The following H2AZ2 variants were observed in gnomAD, a reference collection of about 807,000 sequenced individuals.
The protein encoded by H2AZ2 is H2A.Z variant histone 2.
Under a neutral mutation model 15.5 loss-of-function variants are expected in H2AZ2, and 5 were observed. The observed-to-expected ratio is 0.32, with a 90% CI of 0.17 to 0.68. The LOEUF (loss-of-function observed/expected upper bound fraction) is 0.68. Among genes scored for constraint, H2AZ2 ranks in the 30% least tolerant of loss-of-function variants. The pLI is 0.72. For missense variants in H2AZ2, 42 were observed against 162.5 expected, an observed-to-expected ratio of 0.26 and a Z score of 4.03; for synonymous variants, 44 against 57.4, an observed-to-expected ratio of 0.77 and a Z score of 1.05.
intron 1 of H2AZ2, among the ~76,000 whole-genome samples, chr7:44,844,569 G>A (rs1793353359): frequency 6.6e-6 from 1 of 152,138 alleles, no homozygotes; most frequent in Admixed American, 6.6e-5. Context: ...GGCCAGGCTG[G>A]TCTTGAACTC....
chr7:44,836,268 C>T (rs1208839140), intron 3 of H2AZ2, among the ~76,000 whole-genome samples: 1 of 152,134 alleles, frequency 6.6e-6, no homozygotes, highest in Non-Finnish European at 1.5e-5. Context: ...CAGTCAAAGT[C>T]ATATATTTTA....
chr7:44,846,455 A>C (rs369912830), intron 1 of H2AZ2, among the ~76,000 whole-genome samples: 5 of 152,036 alleles, frequency 3.3e-5, no homozygotes, highest in African/African-American at 1.2e-4. Flanking sequence ...ATCTCTACTA[A>C]AAATACAAAA....
At chr7:44,830,855 CA>C (rs768034578), downstream of H2AZ2, among the ~76,000 whole-genome samples, 1 of 152,062 alleles carries the variant, frequency 6.6e-6, no homozygotes, top group African/African-American at 2.4e-5. Flanking sequence ...AACAAACAAA[CA>C]AAAAACACAC....
At chr7:44,827,559 T>G (rs1226343583), downstream of H2AZ2, 1 of 152,234 alleles carries the variant, frequency 6.6e-6, no homozygotes, top group Non-Finnish European at 1.5e-5. Context: ...AGATGTTAGC[T>G]GTACAGTGGC....
chr7:44,833,378 G>A lies in H2AZ2; in HGVS notation c.*1123C>T, dbSNP rs12155038. On this transcript the variant is annotated 3_prime_UTR_variant, in exon 5 of 5. Coordinates refer to ENST00000308153, the MANE Select transcript of H2AZ2 (RefSeq NM_012412.5). ...CTCCTGAGTAGCTGGGACTACAGGC[G>A]CGTGCCACCACACCCGGCTAATTTT... is the stretch of plus-strand genomic sequence containing the variant. Among the ~76,000 whole-genome samples, 60,217 of 151,906 alleles carry A rather than the reference G, an allele frequency of 0.4. 12,290 individuals carry two copies. The highest frequency in any genetic ancestry group is 0.51 in the Middle Eastern group (150 of 294).
At chr7:44,838,321 A>G (rs1285713374) in intron 3 of H2AZ2, among the ~76,000 whole-genome samples, 1 of 151,996 alleles carries the variant, frequency 6.6e-6, no homozygotes, top group East Asian at 1.9e-4. Context: ...AATGTATTTT[A>G]ATTAAAATTT....
At position 44,848,032 on chromosome 7, in the gene H2AZ2, G is replaced by C; in HGVS notation, c.-61C>G. 1 of 1,116,664 alleles carries C rather than the reference G, an allele frequency of 9.0e-7. No individual in the cohort carries two copies. The highest frequency in any genetic ancestry group is 1.1e-6 in the Non-Finnish European group (1 of 874,784). 69.2% of individuals were successfully genotyped at this position (1,116,664 alleles called of 1,614,324 possible). On this transcript the variant is annotated 5_prime_UTR_variant, in exon 1 of 5. Transcript: ENST00000308153. ...CGCCCTCCCGCTGCCGACCCGCGCCGCCGCCGCCGCTCTCGCAGCACCGAC... is the reference window on the plus strand; with the variant it reads ...CGCCCTCCCGCTGCCGACCCGCGCCCCCGCCGCCGCTCTCGCAGCACCGAC...
At chr7:44,836,222 C>T (rs1270843523) in intron 3 of H2AZ2, among the ~76,000 whole-genome samples, 1 of 152,034 alleles carries the variant, frequency 6.6e-6, no homozygotes, top group East Asian at 1.9e-4. Context: ...CTGGGCCTCC[C>T]AAAGTGCTGA....
Position 44,846,062 on chromosome 7 carries a change from C to CACACACAGAGAGAG in H2AZ2, c.3+1906_3+1907insCTCTCTCTGTGTGT, listed in dbSNP as rs57468916. On this transcript the variant is annotated intron_variant, in intron 1 of 4. Transcript: ENST00000308153. ...ACACACACACACACACACACACACACAGAGAGAGACAGAGAGAGAGAGAGA... is the reference window on the plus strand; with the variant it reads ...ACACACACACACACACACACACACACACACACAGAGAGAGAGAGAGAGACAGAGAGAGAGAGAGA... Among the ~76,000 whole-genome samples the CACACACAGAGAGAG allele has an allele frequency of 4.8e-3, 363 of 75,110 alleles. 3 individuals carry two copies. Among genetic ancestry groups the CACACACAGAGAGAG allele is most frequent in the Non-Finnish European group, 8.5e-3 (270 of 31,588 alleles). The allele number at this position is 75,110 out of a possible 152,430, so 49.3% of individuals were successfully genotyped here. A position where few individuals can be genotyped will look rare whatever the true frequency, so the allele number is the denominator to read the frequency against.
In H2AZ2 at chr7:44,848,006, G is replaced by A. The variant is rs545973573; in HGVS notation, c.-35C>T. The A allele has an allele frequency of 2.3e-6, 3 of 1,306,022 alleles. No individual in the cohort carries two copies. Among genetic ancestry groups the A allele is most frequent in the Non-Finnish European group, 2.9e-6 (3 of 1,027,372 alleles). The allele number at this position is 1,306,022 out of a possible 1,614,324, so 80.9% of individuals were successfully genotyped here. A position where few individuals can be genotyped will look rare whatever the true frequency, so the allele number is the denominator to read the frequency against. On this transcript the variant is annotated 5_prime_UTR_variant, in exon 1 of 5. Coordinates refer to ENST00000308153, the MANE Select transcript of H2AZ2 (RefSeq NM_012412.5). ...GCCGACTCCGCCTCCGCTCGGCCGCGCGCCCTCCCGCTGCCGACCCGCGCC... is the reference window on the plus strand; with the variant it reads ...GCCGACTCCGCCTCCGCTCGGCCGCACGCCCTCCCGCTGCCGACCCGCGCC...
At chr7:44,846,062 C>CACACACAGAGAGAGAGAGAG (rs57468916) in intron 1 of H2AZ2, among the ~76,000 whole-genome samples, 19 of 75,058 alleles carry the variant, frequency 2.5e-4, no homozygotes, top group Non-Finnish European at 6.0e-4. Context: ...CACACACACA[C>CACACACAGAGAGAGAGAGAG]AGAGAGAGAC....
chr7:44,844,735 A>G (rs1027216471), intron 1 of H2AZ2, among the ~76,000 whole-genome samples: 7 of 152,216 alleles, frequency 4.6e-5, no homozygotes, highest in African/African-American at 1.7e-4. Context: ...GTTGCACACT[A>G]TAAATGTACT....
chr7:44,837,431 A>G (rs1793153099), intron 3 of H2AZ2, among the ~76,000 whole-genome samples: 1 of 114,804 alleles, frequency 8.7e-6, no homozygotes. Context: ...AAAAAAAAAA[A>G]AGAAAAAAAA....
At chr7:44,841,913 A>G (rs530654181) in intron 2 of H2AZ2, among the ~76,000 whole-genome samples, 190 of 152,356 alleles carry the variant, frequency 1.2e-3, no homozygotes, top group Middle Eastern at 6.8e-3. Context: ...TTCCAGTTAC[A>G]GTCTAGACAG....
At chr7:44,846,904 T>A (rs990458283) in intron 1 of H2AZ2, among the ~76,000 whole-genome samples, 7 of 152,196 alleles carry the variant, frequency 4.6e-5, no homozygotes, top group African/African-American at 1.7e-4. Flanking sequence ...CCCTAAAGTC[T>A]ATTCCAGCTC....
In H2AZ2 at chr7:44,841,712, G is replaced by A. The variant is rs371431552; in HGVS notation, c.82-700C>T. Reference sequence around the variant, plus strand: ...GTAGAGACAGGGTTTTGAGTGATCTGTCCACCTTAGCCTCCCAAAGTGCTG... The same window carrying A: ...GTAGAGACAGGGTTTTGAGTGATCTATCCACCTTAGCCTCCCAAAGTGCTG... On this transcript the variant is annotated intron_variant, in intron 2 of 4. Coordinates refer to ENST00000308153, the MANE Select transcript of H2AZ2 (RefSeq NM_012412.5). 5.8e-4 allele frequency among the ~76,000 whole-genome samples: 89 copies of A among 152,234 alleles called. 1 individual carries two copies. In the South Asian group the frequency reaches 0.018, roughly 31 times the overall value.
downstream of H2AZ2, among the ~76,000 whole-genome samples, chr7:44,830,970 C>G (rs1176816207): frequency 6.6e-6 from 1 of 152,134 alleles, no homozygotes; most frequent in East Asian, 1.9e-4. Context: ...GCCTAGGCAA[C>G]AGAGTGAGAT....
chr7:44,828,640 C>T (rs1792958244), downstream of H2AZ2: 1 of 152,228 alleles, frequency 6.6e-6, no homozygotes, highest in African/African-American at 2.4e-5. Context: ...CCCAACTCTC[C>T]ACTGCTCTCT....
intron 2 of H2AZ2, among the ~76,000 whole-genome samples, chr7:44,841,253 G>C (rs1206041608): frequency 6.6e-6 from 1 of 152,044 alleles, no homozygotes; most frequent in Non-Finnish European, 1.5e-5. Context: ...ATACCACGCT[G>C]GGCTGTCATC....
Sources: gnomAD v4.1 joint callset for allele counts (sites outside exome capture counted in the v4.1 genomes callset) on GRCh38, gnomAD v4.1.1 for gene constraint, MANE v1.5 for transcripts, NCBI Gene and HGNC (gene_info 2026-07-23, HGNC 2026-07-21) for gene names.